DNAH12: variants seen among roughly 807,000 people sequenced by gnomAD.
DNAH12 encodes the protein axonemal beta dynein heavy chain 12.
In DNAH12, 285 loss-of-function variants were observed where a neutral mutation model predicts 371.5. The observed-to-expected ratio is 0.77, with a 90% CI of 0.70 to 0.85. The LOEUF is 0.85. Among genes scored for constraint, DNAH12 ranks in the 40% least tolerant of loss-of-function variants. DNAH12 has a pLI of 0.00. For missense variants in DNAH12, 3,611 were observed against 3,689.4 expected (o/e 0.98, Z 0.55); for synonymous variants, 1,200 against 1,213.0 (o/e 0.99, Z 0.22).
At chr3:57,302,567 A>ATAT (rs2061380979) in intron 69 of DNAH12, among the ~76,000 whole-genome samples, 2 of 27,480 alleles carry the variant, frequency 7.3e-5, no homozygotes, top group African/African-American at 2.5e-4. Context: ...ATATATATGT[A>ATAT]TTTTTTTTTT....
intron 55 of DNAH12, among the ~76,000 whole-genome samples, chr3:57,372,179 AC>A: frequency 6.6e-6 from 1 of 152,046 alleles, no homozygotes; most frequent in Non-Finnish European, 1.5e-5. Context: ...AGTGATGAAT[AC>A]CCCATTATCC....
At chr3:57,419,657 A>G (rs2064503207) in intron 36 of DNAH12, 139 bp from the exon 37 acceptor site, 1 of 503,996 alleles carries the variant, frequency 2.0e-6, no homozygotes, top group African/African-American at 2.0e-5. Context: ...ACATTCACAT[A>G]AAAGAACACA....
chr3:57,481,736 G>C (rs1330886600), intron 13 of DNAH12, among the ~76,000 whole-genome samples: 1 of 151,960 alleles, frequency 6.6e-6, no homozygotes, highest in Non-Finnish European at 1.5e-5. Context: ...TAGACCAATG[G>C]AACAGAACAG....
chr3:57,446,381 T>C, intron 26 of DNAH12, 111 bp from the exon 27 acceptor site: 2 of 1,435,178 alleles, frequency 1.4e-6, no homozygotes, highest in South Asian at 3.0e-5. Flanking sequence ...TAGTAAAAGT[T>C]CCAAGGATAA....
At chr3:57,426,618 C>T (rs1433154196) in intron 34 of DNAH12, among the ~76,000 whole-genome samples, 4 of 151,746 alleles carry the variant, frequency 2.6e-5, no homozygotes, top group South Asian at 2.1e-4. Context: ...TTGCTTGAGG[C>T]CAAGAGTTAG....
chr3:57,493,915 T>A (rs553907906), intron 11 of DNAH12: 1 of 152,276 alleles, frequency 6.6e-6, no homozygotes, highest in Admixed American at 6.5e-5. Flanking sequence ...TTATACTTAA[T>A]GATGAAAAAA....
Position 57,405,700 on chromosome 3 carries a change from C to A in DNAH12, c.6529G>T (p.Glu2177Ter), listed in dbSNP as rs559595180. ...TGTGAAAAGATACTGTGAAATGATT[C>A]TTTAAAATGGTCCTTTATAACAGTT... ...TKTVIKDHFK[E>*]SFHSIFSHLR... Residue 2177 changes from glutamate (E) to a stop codon, truncating the protein, a stop_gained, in exon 41 of 74, where the codon GAA becomes TAA. Transcript: ENST00000495027. LOFTEE classifies it high-confidence loss of function. 2 of 1,551,602 alleles carry A rather than the reference C, an allele frequency of 1.3e-6. No individual in the cohort carries two copies. The highest frequency in any genetic ancestry group is 1.2e-5 in the South Asian group (1 of 84,040).
chr3:57,340,932 A>G (rs2062378649), intron 60 of DNAH12, among the ~76,000 whole-genome samples: 1 of 152,214 alleles, frequency 6.6e-6, no homozygotes, highest in Non-Finnish European at 1.5e-5. Context: ...CACATCAAAA[A>G]TATCATACAC....
At chr3:57,470,991 G>A (rs2066349149) in intron 15 of DNAH12, among the ~76,000 whole-genome samples, 2 of 152,190 alleles carry the variant, frequency 1.3e-5, no homozygotes, top group Admixed American at 6.5e-5. Context: ...ACAGGAGTGA[G>A]CCACTGCGCC....
chr3:57,302,565 G>GGTTTTTTTTT (rs2061380121), intron 69 of DNAH12, among the ~76,000 whole-genome samples: 1 of 28,858 alleles, frequency 3.5e-5, no homozygotes, highest in African/African-American at 1.3e-4. Flanking sequence ...ATATATATAT[G>GGTTTTTTTTT]TATTTTTTTT....
At chr3:57,519,535 C>T in intron 4 of DNAH12, 1 of 601,748 alleles carries the variant, frequency 1.7e-6, no homozygotes. Flanking sequence ...TTTGATGTGT[C>T]CCAAAGGACC....
At chr3:57,402,330 A>G in intron 43 of DNAH12, 1 of 1,166,468 alleles carries the variant, frequency 8.6e-7, no homozygotes, top group Non-Finnish European at 1.1e-6. Context: ...TCCACTTTGT[A>G]TCATCTCTCT....
At chr3:57,438,611 C>G (rs1193939715) in intron 29 of DNAH12, among the ~76,000 whole-genome samples, 3 of 152,000 alleles carry the variant, frequency 2.0e-5, no homozygotes, top group Non-Finnish European at 4.4e-5. Context: ...GTACAAAAAT[C>G]AGTAGCATTT....
chr3:57,487,104 T>C (rs974932921), intron 12 of DNAH12, among the ~76,000 whole-genome samples: 14 of 152,060 alleles, frequency 9.2e-5, no homozygotes, highest in Middle Eastern at 3.4e-3. Context: ...AATCAGATCA[T>C]GTAGGACTTT....
chr3:57,524,853 T>C (rs1364478601), intron 2 of DNAH12, among the ~76,000 whole-genome samples: 1 of 152,078 alleles, frequency 6.6e-6, no homozygotes, highest in East Asian at 1.9e-4. Context: ...CAGTGTCAAG[T>C]GGAGATAAGT....
chr3:57,362,793 A>G (rs1289516087), intron 58 of DNAH12, among the ~76,000 whole-genome samples: 1 of 152,124 alleles, frequency 6.6e-6, no homozygotes, highest in Non-Finnish European at 1.5e-5. Context: ...GGTAGATTGT[A>G]AAAATTTTCT....
chr3:57,377,054 G>C lies in DNAH12; in HGVS notation c.8392C>G (p.Gln2798Glu), dbSNP rs1366782291. 1 of 152,086 alleles carries C rather than the reference G, an allele frequency of 6.6e-6. No individual in the cohort carries two copies. Among genetic ancestry groups the C allele is most frequent in the Non-Finnish European group, 1.5e-5 (1 of 68,004 alleles). The allele number at this position is 152,086 out of a possible 1,614,324, so 9.4% of individuals were successfully genotyped here. A position where few individuals can be genotyped will look rare whatever the true frequency, so the allele number is the denominator to read the frequency against. The stretch of plus-strand genomic sequence containing the variant: ...AGCTTCTTAGCACAGAGTTCCACCT[G>C]GTCTTCTAAAGCAGCCTTTTCCTCT... ...KTEEKAALEDQVELCAKKLER... is the reference protein window; with the variant it reads ...KTEEKAALEDEVELCAKKLER... Residue 2798 changes from glutamine to glutamate, a missense_variant, in exon 53 of 74, where the codon CAG (glutamine) becomes GAG (glutamate). This residue lies in a region of DNAH12 where 2,266 missense variants were observed against 2,236.9 expected (regional missense o/e 1.01). Transcript: ENST00000495027.
intron 73 of DNAH12, 77 bp downstream of exon 73, chr3:57,295,448 T>A: frequency 7.9e-7 from 1 of 1,259,508 alleles, no homozygotes; most frequent in Non-Finnish European, 1.1e-6. Context: ...AGCAAAAACT[T>A]ATTTTGGGGA....
chr3:57,376,296 T>C (rs1473518202), intron 53 of DNAH12, among the ~76,000 whole-genome samples: 3 of 151,956 alleles, frequency 2.0e-5, no homozygotes, highest in Non-Finnish European at 4.4e-5. Flanking sequence ...CTAGTGGCTG[T>C]GCTATTTGTT....
Sources: gnomAD v4.1 joint callset for allele counts (sites outside exome capture counted in the v4.1 genomes callset) on GRCh38, gnomAD v4.1.1 for gene constraint, gnomAD v4.1.1 regional missense constraint, MANE v1.5 for transcripts, NCBI Gene and HGNC (gene_info 2026-07-23, HGNC 2026-07-21) for gene names.